The following ARHGAP42 variants were observed in gnomAD, a reference collection of about 807,000 sequenced individuals.
ARHGAP42 encodes rho GTPase-activating protein 42.
A neutral mutation model predicts 125.0 loss-of-function variants in ARHGAP42; 63 were observed. That is an observed-to-expected ratio of 0.50 (90% CI 0.41 to 0.62). ARHGAP42 has a LOEUF of 0.62. ARHGAP42 is among the 20% of genes least tolerant of loss of function. ARHGAP42 has a pLI of 0.00. For missense variants in ARHGAP42, 766 were observed against 1,024.2 expected, an observed-to-expected ratio of 0.75 and a Z score of 3.44; for synonymous variants, 339 against 351.0, an observed-to-expected ratio of 0.97 and a Z score of 0.38.
intron 2 of ARHGAP42, among the ~76,000 whole-genome samples, chr11:100,771,867 T>C (rs1862989125): frequency 6.6e-6 from 1 of 152,158 alleles, no homozygotes; most frequent in Non-Finnish European, 1.5e-5. Context: ...CCCAAAGTGC[T>C]AGGATTACAG....
At chr11:100,719,642 T>C (rs1256198670) in intron 1 of ARHGAP42, among the ~76,000 whole-genome samples, 1 of 152,214 alleles carries the variant, frequency 6.6e-6, no homozygotes, top group Non-Finnish European at 1.5e-5. Context: ...TCTCTGCCTC[T>C]CTCTTTCCTT....
At chr11:100,947,414 G>A (rs1268332303) in intron 10 of ARHGAP42, among the ~76,000 whole-genome samples, 1 of 151,830 alleles carries the variant, frequency 6.6e-6, no homozygotes, top group Admixed American at 6.6e-5. Flanking sequence ...ACACATTCCG[G>A]TTATATAACC....
chr11:100,959,428 A>G (rs1189190342), intron 12 of ARHGAP42, among the ~76,000 whole-genome samples: 2 of 152,138 alleles, frequency 1.3e-5, no homozygotes, highest in African/African-American at 4.8e-5. Context: ...AACTGAGAGC[A>G]GTGGAGGTTT....
intron 3 of ARHGAP42, among the ~76,000 whole-genome samples, chr11:100,850,472 A>G (rs904053725): frequency 1.3e-5 from 2 of 152,166 alleles, no homozygotes; most frequent in African/African-American, 4.8e-5. Context: ...CAGCTCCATT[A>G]TAATCTTATG....
chr11:100,971,649 C>A (rs1169786706), intron 17 of ARHGAP42, among the ~76,000 whole-genome samples: 1 of 152,138 alleles, frequency 6.6e-6, no homozygotes, highest in African/African-American at 2.4e-5. Context: ...CAAGTTTACT[C>A]CTAATGAGCT....
In ARHGAP42 at chr11:100,917,958, G is replaced by A. The variant is rs371392384; in HGVS notation, c.487-3536G>A. Among the ~76,000 whole-genome samples, 5 of 152,186 alleles carry A rather than the reference G, an allele frequency of 3.3e-5. No individual in the cohort carries two copies. The East Asian group carries it at 5.8e-4, about 18-fold the overall frequency. ...CATTCAGCTTCTCTTTCTTGCTGGG[G>A]TGCACCAGACACCTTCACCATTATC... On this transcript the variant is annotated intron_variant, in intron 5 of 23. Coordinates refer to ENST00000298815, the MANE Select transcript of ARHGAP42 (RefSeq NM_152432.4).
At chr11:100,861,869 T>C (rs34877157) in intron 4 of ARHGAP42, among the ~76,000 whole-genome samples, 15,350 of 152,168 alleles carry the variant, frequency 0.1, 800 homozygotes, top group African/African-American at 0.12. Flanking sequence ...TAGGTGCTTA[T>C]TAAAATCATG....
At chr11:100,780,592 C>T (rs1279761779) in intron 2 of ARHGAP42, among the ~76,000 whole-genome samples, 2 of 152,182 alleles carry the variant, frequency 1.3e-5, no homozygotes, top group Non-Finnish European at 2.9e-5. Context: ...AGGTTTTTTG[C>T]TCTTCTGTAA....
At chr11:100,784,150 A>G (rs558791609) in intron 2 of ARHGAP42, among the ~76,000 whole-genome samples, 1 of 152,288 alleles carries the variant, frequency 6.6e-6, no homozygotes, top group African/African-American at 2.4e-5. Context: ...GTAAAAGAAA[A>G]ACACAGAAAT....
At chr11:100,951,250 A>T (rs1333358332) in intron 12 of ARHGAP42, among the ~76,000 whole-genome samples, 2 of 152,208 alleles carry the variant, frequency 1.3e-5, no homozygotes, top group South Asian at 2.1e-4. Context: ...ATAATATTTT[A>T]AAAAACTATT....
chr11:100,726,188 G>C (rs147530113), intron 1 of ARHGAP42, among the ~76,000 whole-genome samples: 3 of 152,084 alleles, frequency 2.0e-5, no homozygotes, highest in African/African-American at 7.2e-5. Context: ...GATGTACTCT[G>C]GACAAAAGAA....
chr11:100,781,821 CA>C (rs1863319090), intron 2 of ARHGAP42, among the ~76,000 whole-genome samples: 2 of 152,010 alleles, frequency 1.3e-5, no homozygotes, highest in African/African-American at 4.8e-5. Flanking sequence ...GTTTATTTTC[CA>C]TTAATCAAAT....
rs370147528 is a variant in ARHGAP42 at position 100,815,938 on chromosome 11, A to G, written c.312+20772A>G. Among the ~76,000 whole-genome samples the G allele has an allele frequency of 5.3e-5, 8 of 152,018 alleles. No homozygotes were observed. The East Asian group carries it at 7.7e-4, about 15-fold the overall frequency. On this transcript the variant is annotated intron_variant, in intron 3 of 23. Coordinates refer to ENST00000298815, the MANE Select transcript of ARHGAP42 (RefSeq NM_152432.4). ...GTGACTAGCTTTTTTCAGTTCACAT[A>G]ATGTCCTCAAGATTCATTCATGTTG...
chr11:100,969,778 T>C (rs192709893), intron 17 of ARHGAP42, among the ~76,000 whole-genome samples: 279 of 152,316 alleles, frequency 1.8e-3, no homozygotes, highest in Non-Finnish European at 2.9e-3. Flanking sequence ...CTTTGAAGTC[T>C]TTTTCTGTTT....
chr11:100,914,536 C>G (rs201042652), intron 5 of ARHGAP42, among the ~76,000 whole-genome samples: 2 of 139,680 alleles, frequency 1.4e-5, no homozygotes, highest in Non-Finnish European at 3.1e-5. Flanking sequence ...ACAACAACAA[C>G]AAATGTGAAG....
At chr11:100,841,080 A>G (rs1457561013) in intron 3 of ARHGAP42, among the ~76,000 whole-genome samples, 1 of 152,192 alleles carries the variant, frequency 6.6e-6, no homozygotes, top group African/African-American at 2.4e-5. Flanking sequence ...CGGTCTCTTG[A>G]TACGTACACT....
intron 4 of ARHGAP42, among the ~76,000 whole-genome samples, chr11:100,865,194 C>G (rs1396814840): frequency 6.6e-6 from 1 of 152,148 alleles, no homozygotes; most frequent in Non-Finnish European, 1.5e-5. Context: ...GAGTTTGCTT[C>G]TGTCTCTGAA....
At chr11:100,765,846 A>G (rs1415054289) in intron 1 of ARHGAP42, among the ~76,000 whole-genome samples, 1 of 152,178 alleles carries the variant, frequency 6.6e-6, no homozygotes, top group African/African-American at 2.4e-5. Context: ...AGGAAGAACT[A>G]ACTTAAACTA....
chr11:100,779,982 C>T (rs572331422), intron 2 of ARHGAP42, among the ~76,000 whole-genome samples: 6 of 151,338 alleles, frequency 4.0e-5, no homozygotes, highest in East Asian at 3.9e-4. Context: ...TCCAAGATTG[C>T]GCCACTGCAC....
Sources: gnomAD v4.1 joint callset for allele counts (sites outside exome capture counted in the v4.1 genomes callset) on GRCh38, gnomAD v4.1.1 for gene constraint, MANE v1.5 for transcripts, NCBI Gene and HGNC (gene_info 2026-07-23, HGNC 2026-07-21) for gene names.